DMD: variants seen among roughly 807,000 people sequenced by gnomAD.
DMD encodes dystrophin.
A neutral mutation model predicts 330.1 loss-of-function variants in DMD; 63 were observed. The ratio of observed to expected loss-of-function variants is 0.19; its 90% confidence interval spans 0.16 to 0.24. The LOEUF is 0.24. Among genes scored for constraint, DMD ranks in the 10% least tolerant of loss-of-function variants. DMD has a pLI of 1.00. For synonymous variants in DMD, 1,223 were observed against 959.8 expected (o/e 1.27, Z -5.07); for missense variants, 3,344 against 2,684.1 (o/e 1.25, Z -5.43).
chrX:33,108,075 T>C (rs1425916045), intron 1 of DMD, among the ~76,000 whole-genome samples: 2 of 111,701 alleles, frequency 1.8e-5, no homozygotes, highest in Admixed American at 9.5e-5. Flanking sequence ...AAAACTAATG[T>C]TTCCATTAAC....
intron 29 of DMD, among the ~76,000 whole-genome samples, chrX:32,419,221 A>T: frequency 9.0e-6 from 1 of 111,529 alleles, no homozygotes; most frequent in African/African-American, 3.3e-5. Flanking sequence ...TTAAATGGAG[A>T]TTAAGAGAAA....
intron 45 of DMD, among the ~76,000 whole-genome samples, chrX:31,935,169 C>A (rs1339778513): frequency 1.8e-5 from 2 of 111,374 alleles, no homozygotes; most frequent in African/African-American, 6.5e-5. Context: ...CATACTTACT[C>A]TCAGTGATTC....
chrX:31,803,988 C>T (rs767007611), intron 50 of DMD, among the ~76,000 whole-genome samples: 1 of 111,128 alleles, frequency 9.0e-6, no homozygotes, highest in African/African-American at 3.3e-5. Context: ...CGTGAGCCAC[C>T]GTGCCTGGCC....
intron 39 of DMD, among the ~76,000 whole-genome samples, chrX:32,345,325 G>A (rs1317055700): frequency 1.8e-5 from 2 of 111,320 alleles, no homozygotes; most frequent in African/African-American, 3.3e-5. Flanking sequence ...CAAACCAGAT[G>A]AGTCACCTGG....
chrX:32,447,991 C>T (rs1347702891), intron 27 of DMD, among the ~76,000 whole-genome samples: 1 of 110,681 alleles, frequency 9.0e-6, no homozygotes, highest in Non-Finnish European at 1.9e-5. Context: ...CTCTATGGGG[C>T]ACGGCAATTA....
intron 55 of DMD, among the ~76,000 whole-genome samples, chrX:31,536,283 A>G (rs1200017181): frequency 1.8e-5 from 2 of 111,727 alleles, no homozygotes; most frequent in Non-Finnish European, 3.8e-5. Context: ...CCCAATCCCA[A>G]ACTGATTTTG....
chrX:32,004,889 A>C (rs1050544700), intron 44 of DMD, among the ~76,000 whole-genome samples: 1 of 111,489 alleles, frequency 9.0e-6, no homozygotes, highest in African/African-American at 3.3e-5. Context: ...TATCCTCTAA[A>C]AAGCCTTGCC....
intron 60 of DMD, among the ~76,000 whole-genome samples, chrX:31,406,444 A>T (rs2061405433): frequency 9.0e-6 from 1 of 111,421 alleles, no homozygotes; most frequent in African/African-American, 3.3e-5. Flanking sequence ...TATGAGAATT[A>T]ATTATTTTCA....
At chrX:31,603,358 T>A (rs1368341275) in intron 55 of DMD, among the ~76,000 whole-genome samples, 2 of 111,547 alleles carry the variant, frequency 1.8e-5, no homozygotes, top group Non-Finnish European at 3.8e-5. Context: ...TCCAGTAAAG[T>A]TCTACTAAAT....
intron 51 of DMD, among the ~76,000 whole-genome samples, chrX:31,761,316 T>C (rs1025547486): frequency 9.0e-6 from 1 of 110,800 alleles, no homozygotes; most frequent in African/African-American, 3.3e-5. Flanking sequence ...GTTTGGGCCA[T>C]GGGGTGGTGC....
At chrX:32,755,827 G>T (rs2071436014) in intron 7 of DMD, among the ~76,000 whole-genome samples, 1 of 111,856 alleles carries the variant, frequency 8.9e-6, no homozygotes. Flanking sequence ...AAAACAAGTT[G>T]GTTACAGGAG....
intron 31 of DMD, among the ~76,000 whole-genome samples, 168 bp from the exon 32 acceptor site, chrX:32,389,842 G>C (rs1454986886): frequency 9.0e-6 from 1 of 111,651 alleles, no homozygotes; most frequent in East Asian, 2.8e-4. Context: ...ATACATTTGG[G>C]AGAATGATTC....
At chrX:32,023,160 T>C (rs936517004) in intron 44 of DMD, among the ~76,000 whole-genome samples, 1 of 111,597 alleles carries the variant, frequency 9.0e-6, no homozygotes, top group African/African-American at 3.3e-5. Context: ...CCATTCACTT[T>C]CTTTGCAACT....
intron 64 of DMD, among the ~76,000 whole-genome samples, chrX:31,213,035 T>A (rs2044921259): frequency 1.8e-5 from 2 of 112,564 alleles, no homozygotes; most frequent in Non-Finnish European, 3.8e-5. Flanking sequence ...AGGTGAGTAA[T>A]GGTGGAAGAA....
chrX:33,198,611 A>G (rs2051093127), intron 1 of DMD, among the ~76,000 whole-genome samples: 1 of 111,856 alleles, frequency 8.9e-6, no homozygotes, highest in Non-Finnish European at 1.9e-5. Flanking sequence ...TTAAAGCATT[A>G]CACATCAAGT....
intron 45 of DMD, among the ~76,000 whole-genome samples, chrX:31,967,716 C>T (rs753839214): frequency 1.8e-5 from 2 of 111,318 alleles, no homozygotes; most frequent in Non-Finnish European, 3.8e-5. Context: ...CATTTATAAA[C>T]TCTCTAGGCT....
intron 59 of DMD, among the ~76,000 whole-genome samples, chrX:31,469,678 T>C (rs1191614500): frequency 2.7e-5 from 3 of 111,529 alleles, no homozygotes; most frequent in Non-Finnish European, 5.6e-5. Context: ...AGTATCTTTG[T>C]GGTGTTCTCC....
At chrX:32,864,630 A>T (rs1258743847) in intron 2 of DMD, among the ~76,000 whole-genome samples, 1 of 111,755 alleles carries the variant, frequency 8.9e-6, no homozygotes, top group Non-Finnish European at 1.9e-5. Flanking sequence ...TCAAAGTCCC[A>T]AATTCCTATT....
intron 44 of DMD, among the ~76,000 whole-genome samples, chrX:31,993,880 A>G: frequency 8.9e-6 from 1 of 111,934 alleles, no homozygotes; most frequent in African/African-American, 3.2e-5. Context: ...CAGGAAAGTA[A>G]ATGGAAGCAA....
Sources: allele counts gnomAD v4.1 joint callset (sites outside exome capture counted in the v4.1 genomes callset), GRCh38; gene constraint gnomAD v4.1.1; transcripts MANE v1.5; gene names NCBI Gene and HGNC (gene_info 2026-07-23, HGNC 2026-07-21).